The following RFC1 variants were observed in gnomAD, a reference collection of about 807,000 sequenced individuals.
The protein encoded by RFC1 is A1 140 kDa subunit.
In RFC1, 37 loss-of-function variants were observed where a neutral mutation model predicts 137.4. The ratio of observed to expected loss-of-function variants is 0.27; its 90% CI spans 0.21 to 0.35. The LOEUF is 0.35. Among genes scored for constraint, RFC1 ranks in the 10% least tolerant of loss-of-function variants. The probability of loss-of-function intolerance (pLI) is 1.00; values close to 1 mark genes in which losing one functional copy is unlikely to be tolerated. For synonymous variants in RFC1, 429 were observed against 455.7 expected (o/e 0.94, Z 0.75); for missense variants, 1,205 against 1,358.5 (o/e 0.89, Z 1.78).
At chr4:39,313,796 G>A (rs1739094458) in intron 10 of RFC1, among the ~76,000 whole-genome samples, 1 of 152,110 alleles carries the variant, frequency 6.6e-6, no homozygotes, top group Non-Finnish European at 1.5e-5. Flanking sequence ...CATTACTCTA[G>A]GATAGTAAAT....
chr4:39,358,523 G>A (rs924165577), intron 1 of RFC1, among the ~76,000 whole-genome samples: 4 of 152,032 alleles, frequency 2.6e-5, no homozygotes, highest in Non-Finnish European at 4.4e-5. Context: ...CGTGAGCCAC[G>A]CGCTATATGG....
chr4:39,354,644 A>T (rs1578171550), intron 1 of RFC1, among the ~76,000 whole-genome samples: 3 of 151,108 alleles, frequency 2.0e-5, no homozygotes, highest in South Asian at 4.2e-4. Context: ...AGAGCTGGGC[A>T]CTGTGGTGCA....
At chr4:39,304,020 G>A (rs960739733) in intron 15 of RFC1, among the ~76,000 whole-genome samples, 3 of 152,118 alleles carry the variant, frequency 2.0e-5, no homozygotes, top group African/African-American at 4.8e-5. Context: ...TGGGCTAGAC[G>A]GTATGTGTAA....
At chr4:39,339,601 T>G in intron 4 of RFC1, among the ~76,000 whole-genome samples, 1 of 152,192 alleles carries the variant, frequency 6.6e-6, no homozygotes, top group Admixed American at 6.5e-5. Context: ...TTTGTTTTTC[T>G]ATTGAATTGT....
At chr4:39,298,457 A>G (rs923223747) in intron 21 of RFC1, among the ~76,000 whole-genome samples, 3 of 152,348 alleles carry the variant, frequency 2.0e-5, no homozygotes. Context: ...ATAATCCTGT[A>G]TAACTATACA....
At chr4:39,351,760 G>A (rs186590727) in intron 1 of RFC1, among the ~76,000 whole-genome samples, 3 of 151,918 alleles carry the variant, frequency 2.0e-5, no homozygotes, top group South Asian at 4.1e-4. Flanking sequence ...TCAGGAGTTC[G>A]AGACCAGCCT....
chr4:39,344,795 T>C (rs1740767192), intron 3 of RFC1, among the ~76,000 whole-genome samples: 1 of 152,048 alleles, frequency 6.6e-6, no homozygotes, highest in African/African-American at 2.4e-5. Context: ...AATAAATTAA[T>C]TAAATTAAAT....
rs201873335 is a variant in RFC1, at chr4:39,300,412, G to T, written c.2538C>A (p.Gly846=). ...ACACTTTCCGGGCAACATCAAATGG[G>T]CCCTGAAAAAAGAGAGGGACACACC... is the stretch of plus-strand genomic sequence containing the variant. ...SHRAKKDIKM[G]PFDVARKVFA... is the part of the protein sequence containing the mutation. The change falls in exon 20 of 25, where the codon GGC becomes GGA. Residue 846 remains glycine, a splice_region_variant and synonymous_variant. Coordinates refer to ENST00000349703, the MANE Select transcript of RFC1 (RefSeq NM_002913.5). The T allele has an allele frequency of 3.1e-4, 495 of 1,611,304 alleles. 1 individual carries two copies. The highest frequency in any genetic ancestry group is 4.0e-4 in the Non-Finnish European group (470 of 1,178,858).
At chr4:39,351,266 A>G (rs1317031873) in intron 2 of RFC1, 82 bp downstream of exon 2, 4 of 454,848 alleles carry the variant, frequency 8.8e-6, no homozygotes, top group Admixed American at 6.6e-5. Context: ...AAAAAAAAAA[A>G]AAAAAAAAAA....
intron 11 of RFC1, among the ~76,000 whole-genome samples, chr4:39,312,236 A>C (rs1244442606): frequency 1.3e-5 from 2 of 152,240 alleles, no homozygotes; most frequent in African/African-American, 2.4e-5. Context: ...TAACACAATA[A>C]GGACAGATGG....
intron 1 of RFC1, 149 bp from the exon 2 acceptor site, chr4:39,351,625 CT>C: frequency 1.6e-6 from 1 of 612,700 alleles, no homozygotes; most frequent in Non-Finnish European, 2.5e-6. Context: ...TAGTAGCTTT[CT>C]TTTCATGTGC....
At chr4:39,355,044 T>G (rs1741392868) in intron 1 of RFC1, among the ~76,000 whole-genome samples, 1 of 146,618 alleles carries the variant, frequency 6.8e-6, no homozygotes, top group Non-Finnish European at 1.5e-5. Context: ...AATGCCCCTT[T>G]GCACTCCAGT....
At chr4:39,365,952 C>A (rs1475925707) in intron 1 of RFC1, among the ~76,000 whole-genome samples, 2 of 152,246 alleles carry the variant, frequency 1.3e-5, no homozygotes, top group African/African-American at 4.8e-5. Context: ...CACCATCCTT[C>A]CTCTCTTCCT....
At chr4:39,343,033 T>C (rs1471653043) in intron 3 of RFC1, among the ~76,000 whole-genome samples, 1 of 152,094 alleles carries the variant, frequency 6.6e-6, no homozygotes, top group African/African-American at 2.4e-5. Context: ...ATCTCCCTAT[T>C]TTTTTTTCTT....
chr4:39,351,283 A>ATTAAAAT, intron 2 of RFC1, 65 bp downstream of exon 2: 2 of 485,304 alleles, frequency 4.1e-6, no homozygotes, highest in Non-Finnish European at 6.0e-6. Flanking sequence ...AAAAAAAAAA[A>ATTAAAAT]AACTTATAAG....
intron 4 of RFC1, among the ~76,000 whole-genome samples, chr4:39,334,028 G>C (rs774727997): frequency 1.4e-4 from 21 of 152,046 alleles, no homozygotes; most frequent in Non-Finnish European, 2.4e-4. Context: ...AGTAACTCTA[G>C]TAAAACACAG....
chr4:39,306,787 T>C, intron 13 of RFC1, 86 bp from the exon 14 acceptor site: 1 of 750,458 alleles, frequency 1.3e-6, no homozygotes. Context: ...TGCCTAAACT[T>C]CACATAGACA....
At chr4:39,318,144 G>C (rs17335027) in intron 9 of RFC1, 1 of 142,106 alleles carries the variant, frequency 7.0e-6, no homozygotes, top group Admixed American at 6.9e-5. Context: ...GTGACAGAGC[G>C]AGACTCCGTC....
At chr4:39,346,624 T>A (rs1051387541) in intron 2 of RFC1, among the ~76,000 whole-genome samples, 1 of 152,144 alleles carries the variant, frequency 6.6e-6, no homozygotes, top group Non-Finnish European at 1.5e-5. Context: ...AATTATAAGG[T>A]AGAAATAGAA....
Sources: allele counts gnomAD v4.1 joint callset (sites outside exome capture counted in the v4.1 genomes callset), GRCh38; gene constraint gnomAD v4.1.1; transcripts MANE v1.5; gene names NCBI Gene and HGNC (gene_info 2026-07-23, HGNC 2026-07-21).